The following VPS13B variants were observed in gnomAD, a reference collection of about 807,000 sequenced individuals.
VPS13B encodes vacuolar protein sorting 13 homolog B.
VPS13B carries 285 observed loss-of-function variants against 426.4 expected under a neutral mutation model. The ratio of observed to expected loss-of-function variants is 0.67; its 90% CI spans 0.61 to 0.74. VPS13B has a LOEUF of 0.74. Among genes scored for constraint, VPS13B ranks in the 30% least tolerant of loss-of-function variants. The pLI is 0.00. For missense variants in VPS13B, 4,537 were observed against 4,782.6 expected (o/e 0.95, Z 1.51); for synonymous variants, 1,676 against 1,676.4 (o/e 1.00, Z 0.01).
intron 52 of VPS13B, among the ~76,000 whole-genome samples, chr8:99,833,247 AC>A (rs1434572443): frequency 6.6e-6 from 1 of 152,224 alleles, no homozygotes; most frequent in African/African-American, 2.4e-5. Context: ...CAAACCAGAG[AC>A]ATATAATGGT....
chr8:99,639,997 A>T lies in VPS13B; in HGVS notation c.5221-1814A>T, dbSNP rs1223190475. ...CTCTTTAAAAATAGTAATAATAATA[A>T]TAATAATAATAATAATAATAATAAT... On this transcript the variant is annotated intron_variant, in intron 33 of 61. Coordinates refer to ENST00000357162, the MANE Select transcript of VPS13B (RefSeq NM_152564.5). Among the ~76,000 whole-genome samples, 60 of 58,728 alleles carry T rather than the reference A, an allele frequency of 1.0e-3. 1 individual carries two copies. The highest frequency in any genetic ancestry group is 1.2e-3 in the Non-Finnish European group (39 of 32,070). 38.5% of individuals were successfully genotyped at this position (58,728 alleles called of 152,430 possible).
At chr8:99,096,878 G>A (rs1034012912) in intron 4 of VPS13B, among the ~76,000 whole-genome samples, 1 of 152,058 alleles carries the variant, frequency 6.6e-6, no homozygotes, top group Non-Finnish European at 1.5e-5. Context: ...AACAAATTGG[G>A]TCCTGGGATT....
intron 19 of VPS13B, among the ~76,000 whole-genome samples, chr8:99,324,148 C>G (rs551735058): frequency 6.6e-6 from 1 of 152,270 alleles, no homozygotes; most frequent in South Asian, 2.1e-4. Context: ...AGCAGTTGAT[C>G]AAACTCTTTC....
chr8:99,248,113 C>T (rs1205638025), intron 17 of VPS13B, among the ~76,000 whole-genome samples: 2 of 152,130 alleles, frequency 1.3e-5, no homozygotes, highest in African/African-American at 4.8e-5. Flanking sequence ...AGTGCTCTAA[C>T]CAGATAAAGA....
intron 39 of VPS13B, among the ~76,000 whole-genome samples, chr8:99,739,994 G>A (rs1809611647): frequency 2.6e-5 from 4 of 152,170 alleles, no homozygotes; most frequent in Admixed American, 2.6e-4. Context: ...CGAGTTGAGA[G>A]AAGAAGGCTT....
At chr8:99,111,012 T>G in intron 5 of VPS13B, 86 bp from the exon 6 acceptor site, 1 of 1,028,100 alleles carries the variant, frequency 9.7e-7, no homozygotes, top group Non-Finnish European at 1.4e-6. Context: ...TATTATTAAT[T>G]TTATTACTAT....
intron 14 of VPS13B, among the ~76,000 whole-genome samples, chr8:99,149,745 G>A (rs1810958881): frequency 6.6e-6 from 1 of 152,114 alleles, no homozygotes; most frequent in Non-Finnish European, 1.5e-5. Flanking sequence ...AGAGAAAGAG[G>A]TGAATGGCAG....
At chr8:99,389,386 G>A (rs1488753508) in intron 20 of VPS13B, among the ~76,000 whole-genome samples, 1 of 152,034 alleles carries the variant, frequency 6.6e-6, no homozygotes, top group Non-Finnish European at 1.5e-5. Flanking sequence ...AACAATGCAA[G>A]GGCTAGGGAC....
At chr8:99,048,814 CAA>C (rs60561427) in intron 3 of VPS13B, among the ~76,000 whole-genome samples, 2 of 146,374 alleles carry the variant, frequency 1.4e-5, no homozygotes, top group African/African-American at 2.5e-5. Context: ...AACTCTGTCT[CAA>C]AAAAAAAAAA....
At chr8:99,874,514 C>A (rs938612467) in intron 61 of VPS13B, among the ~76,000 whole-genome samples, 4 of 152,146 alleles carry the variant, frequency 2.6e-5, no homozygotes, top group African/African-American at 7.2e-5. Context: ...ACAAGTCTTT[C>A]TTTACCACTT....
intron 3 of VPS13B, among the ~76,000 whole-genome samples, chr8:99,049,748 T>C (rs114581100): frequency 0.02 from 3,059 of 152,114 alleles, 112 homozygotes; most frequent in African/African-American, 0.07. Flanking sequence ...TCCTTGATTA[T>C]TCCCCCTAAC....
At chr8:99,703,312 T>G (rs918328228) in intron 36 of VPS13B, among the ~76,000 whole-genome samples, 1 of 152,094 alleles carries the variant, frequency 6.6e-6, no homozygotes, top group Non-Finnish European at 1.5e-5. Flanking sequence ...TTTCATAGGA[T>G]TTGATTTTTT....
intron 39 of VPS13B, among the ~76,000 whole-genome samples, chr8:99,746,474 T>C (rs981625670): frequency 3.3e-5 from 5 of 152,150 alleles, no homozygotes; most frequent in Non-Finnish European, 5.9e-5. Context: ...ATTCCTCCAC[T>C]AGGAAGGAGG....
intron 21 of VPS13B, among the ~76,000 whole-genome samples, chr8:99,408,757 A>G (rs907766489): frequency 3.9e-5 from 6 of 152,142 alleles, no homozygotes; most frequent in African/African-American, 1.4e-4. Context: ...GTTTGTAGAG[A>G]AGAGAAATGG....
At chr8:99,763,135 CAAAAAAAAAAAAAA>C (rs750289763) in intron 39 of VPS13B, among the ~76,000 whole-genome samples, 4 of 35,848 alleles carry the variant, frequency 1.1e-4, no homozygotes, top group African/African-American at 4.2e-4. Context: ...GACCTTGTCT[CAAAAAAAAAAAAAA>C]AAAAAAAAAA....
At chr8:99,312,293 C>G (rs1020742431) in intron 19 of VPS13B, among the ~76,000 whole-genome samples, 3 of 152,020 alleles carry the variant, frequency 2.0e-5, no homozygotes, top group South Asian at 2.1e-4. Context: ...GCATGTTTTT[C>G]CAGTGGCTGC....
chr8:99,195,493 G>C (rs1487234483), intron 17 of VPS13B, among the ~76,000 whole-genome samples: 1 of 152,118 alleles, frequency 6.6e-6, no homozygotes, highest in Non-Finnish European at 1.5e-5. Flanking sequence ...TTATCAGAGG[G>C]ATGGTTTGTA....
At chr8:99,301,714 A>T (rs1319820581) in intron 19 of VPS13B, among the ~76,000 whole-genome samples, 1 of 152,240 alleles carries the variant, frequency 6.6e-6, no homozygotes, top group Non-Finnish European at 1.5e-5. Flanking sequence ...GGCAGAACTT[A>T]GAGTCCTTGT....
At chr8:99,220,554 C>T (rs557590434) in intron 17 of VPS13B, among the ~76,000 whole-genome samples, 8 of 152,190 alleles carry the variant, frequency 5.3e-5, no homozygotes, top group South Asian at 2.1e-4. Flanking sequence ...AAGCATAAAA[C>T]GTTAAAGTAT....
Sources: gnomAD v4.1 joint callset for allele counts (sites outside exome capture counted in the v4.1 genomes callset) on GRCh38, gnomAD v4.1.1 for gene constraint, MANE v1.5 for transcripts, NCBI Gene and HGNC (gene_info 2026-07-23, HGNC 2026-07-21) for gene names.